The following WWOX variants were observed in gnomAD, a reference collection of about 807,000 sequenced individuals.
WWOX encodes the protein WW domain-containing oxidoreductase.
A neutral mutation model predicts 46.2 loss-of-function variants in WWOX; 69 were observed. The ratio of observed to expected loss-of-function variants is 1.49; its 90% CI spans 1.23 to 1.82. The LOEUF is 1.82. Ranked by LOEUF, WWOX falls within the 40% of genes most tolerant of loss-of-function variation. The probability of loss-of-function intolerance (pLI) is 0.00; values close to 1 mark genes in which losing one functional copy is unlikely to be tolerated. For missense variants in WWOX, 919 were observed against 542.6 expected, an observed-to-expected ratio of 1.69 and a Z score of -6.89; for synonymous variants, 359 against 202.6, an observed-to-expected ratio of 1.77 and a Z score of -6.56.
chr16:78,978,043 A>G (rs1474965335), intron 8 of WWOX, among the ~76,000 whole-genome samples: 1 of 152,216 alleles, frequency 6.6e-6, no homozygotes, highest in African/African-American at 2.4e-5. Flanking sequence ...GCTACTACCC[A>G]TTCCTCTTCC....
At chr16:78,294,588 T>C in intron 5 of WWOX, among the ~76,000 whole-genome samples, 1 of 152,110 alleles carries the variant, frequency 6.6e-6, no homozygotes, top group Admixed American at 6.5e-5. Flanking sequence ...TCTATTTGTG[T>C]GTGTATGTAT....
intron 8 of WWOX, among the ~76,000 whole-genome samples, chr16:78,859,991 A>G (rs1359817333): frequency 6.6e-6 from 1 of 152,224 alleles, no homozygotes; most frequent in Non-Finnish European, 1.5e-5. Context: ...GCAAATAGCT[A>G]TAATGCCTTA....
At chr16:78,851,300 C>A (rs1378513066) in intron 8 of WWOX, among the ~76,000 whole-genome samples, 1 of 152,154 alleles carries the variant, frequency 6.6e-6, no homozygotes, top group African/African-American at 2.4e-5. Context: ...CTATAATTAT[C>A]ACATAGTTTG....
intron 8 of WWOX, among the ~76,000 whole-genome samples, chr16:78,823,247 G>A (rs538095650): frequency 6.6e-6 from 1 of 152,324 alleles, no homozygotes; most frequent in African/African-American, 2.4e-5. Flanking sequence ...CCTTAATGAT[G>A]CTGGCAGATG....
rs142342610 is a variant in WWOX, at chr16:78,725,441, G to A, written c.1056+292689G>A. 6.8e-3 allele frequency among the ~76,000 whole-genome samples: 956 copies of A among 139,602 alleles called. 14 individuals carry two copies. Among genetic ancestry groups the A allele is most frequent in the African/African-American group, 0.024 (920 of 37,744 alleles). 91.6% of individuals were successfully genotyped at this position (139,602 alleles called of 152,430 possible). A position where few individuals can be genotyped will look rare whatever the true frequency, so the allele number is the denominator to read the frequency against. Reference sequence around the variant, plus strand: ...GGGCTCCCTGCAAACTCCACTTCCCGGATTTAAGCGATTCTCCTGCCTCAG... The same window carrying A: ...GGGCTCCCTGCAAACTCCACTTCCCAGATTTAAGCGATTCTCCTGCCTCAG... On this transcript the variant is annotated intron_variant, in intron 8 of 8. Transcript: ENST00000566780.
chr16:79,197,863 T>C (rs1376425523), intron 8 of WWOX, among the ~76,000 whole-genome samples: 2 of 152,158 alleles, frequency 1.3e-5, no homozygotes, highest in Admixed American at 6.5e-5. Flanking sequence ...TCTTGTGTCC[T>C]GATATAAGGC....
chr16:79,205,964 G>C (rs1352814539), intron 8 of WWOX: 1 of 152,160 alleles, frequency 6.6e-6, no homozygotes, highest in Admixed American at 6.5e-5. Context: ...CAAAGAGTAG[G>C]TTTCTTAGTT....
chr16:78,431,809 C>G (rs1413590496), intron 7 of WWOX, among the ~76,000 whole-genome samples: 1 of 152,008 alleles, frequency 6.6e-6, no homozygotes, highest in Non-Finnish European at 1.5e-5. Flanking sequence ...GTTGACCTCC[C>G]AGGCTGAAGC....
chr16:78,363,298 G>A (rs536741168), intron 5 of WWOX, among the ~76,000 whole-genome samples: 33 of 151,482 alleles, frequency 2.2e-4, no homozygotes, highest in Middle Eastern at 3.4e-3. Context: ...TTTTTTGACG[G>A]GGTCTTAATA....
At chr16:78,808,994 A>G (rs139633012) in intron 8 of WWOX, among the ~76,000 whole-genome samples, 1 of 152,156 alleles carries the variant, frequency 6.6e-6, no homozygotes, top group East Asian at 1.9e-4. Context: ...GGACCTGATG[A>G]ATTATTATTC....
intron 8 of WWOX, among the ~76,000 whole-genome samples, chr16:78,648,823 G>T (rs2046902984): frequency 6.6e-6 from 1 of 152,182 alleles, no homozygotes; most frequent in South Asian, 2.1e-4. Flanking sequence ...CTGCCTGGCT[G>T]CAGGAAGTTC....
intron 5 of WWOX, among the ~76,000 whole-genome samples, chr16:78,294,359 C>T (rs909821814): frequency 6.6e-6 from 1 of 152,134 alleles, no homozygotes. Flanking sequence ...GCCCCTTCCA[C>T]TCAGAAAAAT....
chr16:78,972,530 G>T (rs1391906707), intron 8 of WWOX, among the ~76,000 whole-genome samples: 1 of 151,572 alleles, frequency 6.6e-6, no homozygotes, highest in Non-Finnish European at 1.5e-5. Flanking sequence ...ACCATCTCTG[G>T]GGGAGGGAGG....
intron 8 of WWOX, among the ~76,000 whole-genome samples, chr16:79,147,352 T>C (rs913603740): frequency 6.6e-6 from 1 of 152,232 alleles, no homozygotes; most frequent in African/African-American, 2.4e-5. Flanking sequence ...TAGCATAGTA[T>C]GTAATCTTTT....
chr16:78,212,772 C>G (rs1281917561), intron 5 of WWOX, among the ~76,000 whole-genome samples: 1 of 152,144 alleles, frequency 6.6e-6, no homozygotes, highest in Non-Finnish European at 1.5e-5. Context: ...AAAGTAAAAG[C>G]CAACCTCTTG....
chr16:78,152,007 G>A (rs1162321942), intron 4 of WWOX, among the ~76,000 whole-genome samples: 1 of 152,104 alleles, frequency 6.6e-6, no homozygotes, highest in Non-Finnish European at 1.5e-5. Context: ...TGGCTAACAC[G>A]GTGAAACCCC....
intron 8 of WWOX, among the ~76,000 whole-genome samples, chr16:78,911,588 G>C (rs148594479): frequency 6.6e-6 from 1 of 152,032 alleles, no homozygotes. Flanking sequence ...ACACCAGGCC[G>C]GGCACAGTGG....
chr16:78,735,664 A>G (rs1249663948), intron 8 of WWOX, among the ~76,000 whole-genome samples: 1 of 152,186 alleles, frequency 6.6e-6, no homozygotes, highest in Admixed American at 6.5e-5. Context: ...TGGCCTCTTC[A>G]TCTTCTCCTG....
At chr16:78,236,388 T>G (rs1752528065) in intron 5 of WWOX, among the ~76,000 whole-genome samples, 1 of 152,178 alleles carries the variant, frequency 6.6e-6, no homozygotes, top group Non-Finnish European at 1.5e-5. Flanking sequence ...TTTGTGATGA[T>G]TTTGGCTTTT....
Sources: allele counts gnomAD v4.1 joint callset (sites outside exome capture counted in the v4.1 genomes callset), GRCh38; gene constraint gnomAD v4.1.1; transcripts MANE v1.5; gene names NCBI Gene and HGNC (gene_info 2026-07-23, HGNC 2026-07-21).